Variants in RORA observed in about 807,000 individuals in gnomAD.
RORA encodes nuclear receptor ROR-alpha.
RORA carries 7 observed loss-of-function variants against 69.5 expected under a neutral mutation model. That is an observed-to-expected ratio of 0.10 (90% CI 0.06 to 0.19). RORA has a LOEUF of 0.19. Among genes scored for constraint, RORA ranks in the 10% least tolerant of loss-of-function variants. The probability of loss-of-function intolerance (pLI) is 1.00; values close to 1 mark genes in which losing one functional copy is unlikely to be tolerated. For missense variants in RORA, 457 were observed against 663.0 expected (o/e 0.69, Z 3.41); for synonymous variants, 261 against 240.8 (o/e 1.08, Z -0.78).
intron 1 of RORA, among the ~76,000 whole-genome samples, chr15:60,994,755 A>T (rs16943452): frequency 0.18 from 27,643 of 152,142 alleles, 2,657 homozygotes; most frequent in South Asian, 0.24. Flanking sequence ...AATGAAGACA[A>T]CTCAACATAC....
chr15:60,691,674 C>T (rs138582577), intron 1 of RORA, among the ~76,000 whole-genome samples: 191 of 152,242 alleles, frequency 1.3e-3, no homozygotes, highest in South Asian at 4.8e-3. Context: ...AGAGAACACA[C>T]GCTAACCCCA....
chr15:60,647,425 T>C (rs1468749033), intron 2 of RORA, among the ~76,000 whole-genome samples: 1 of 152,184 alleles, frequency 6.6e-6, no homozygotes, highest in African/African-American at 2.4e-5. Context: ...TTCTAAGTGC[T>C]TGGAAGACCT....
intron 2 of RORA, among the ~76,000 whole-genome samples, chr15:60,668,034 T>A (rs2070405670): frequency 6.6e-6 from 1 of 152,006 alleles, no homozygotes; most frequent in African/African-American, 2.4e-5. Context: ...ACCAAAGAGA[T>A]GAAATAATTG....
intron 1 of RORA, among the ~76,000 whole-genome samples, chr15:60,886,084 G>A (rs1049153960): frequency 6.6e-6 from 1 of 152,112 alleles, no homozygotes; most frequent in African/African-American, 2.4e-5. Flanking sequence ...CAAATAGAGG[G>A]AATCTTTAAA....
At chr15:60,836,487 T>G (rs2073117428) in intron 1 of RORA, among the ~76,000 whole-genome samples, 2 of 152,160 alleles carry the variant, frequency 1.3e-5, no homozygotes, top group Non-Finnish European at 2.9e-5. Context: ...AGCAGTAGGC[T>G]GGTCATCCCA....
chr15:60,776,786 G>A (rs896331723), intron 1 of RORA, among the ~76,000 whole-genome samples: 7 of 152,140 alleles, frequency 4.6e-5, no homozygotes, highest in African/African-American at 1.7e-4. Flanking sequence ...TGCAATTACC[G>A]TCTTTGGATT....
intron 1 of RORA, among the ~76,000 whole-genome samples, chr15:61,139,099 G>A (rs182366959): frequency 1.0e-3 from 154 of 151,642 alleles, no homozygotes; most frequent in African/African-American, 3.6e-3. Flanking sequence ...AGCCAAGATC[G>A]CGCCACTGCA....
intron 1 of RORA, among the ~76,000 whole-genome samples, chr15:60,855,315 T>A (rs781122137): frequency 4.5e-4 from 68 of 152,286 alleles, no homozygotes; most frequent in Non-Finnish European, 8.7e-4. Flanking sequence ...TACAGTAACA[T>A]GGAAACCACA....
intron 1 of RORA, among the ~76,000 whole-genome samples, chr15:60,941,831 T>G (rs1892705857): frequency 6.6e-6 from 1 of 152,232 alleles, no homozygotes; most frequent in Non-Finnish European, 1.5e-5. Flanking sequence ...GGGTTTTAAA[T>G]GTTTGCCCTT....
chr15:61,141,309 G>A (rs536305244), intron 1 of RORA, among the ~76,000 whole-genome samples: 1 of 152,118 alleles, frequency 6.6e-6, no homozygotes, highest in East Asian at 1.9e-4. Context: ...AATCGATGTA[G>A]AATTTGGAAT....
intron 1 of RORA, among the ~76,000 whole-genome samples, chr15:61,153,034 G>A (rs1820907262): frequency 6.6e-6 from 1 of 152,086 alleles, no homozygotes; most frequent in African/African-American, 2.4e-5. Context: ...GGGTAGGTGT[G>A]TACCAGGTCA....
intron 1 of RORA, among the ~76,000 whole-genome samples, chr15:61,030,055 T>C (rs1421161650): frequency 6.6e-6 from 1 of 152,154 alleles, no homozygotes; most frequent in Non-Finnish European, 1.5e-5. Flanking sequence ...AATCTCATCA[T>C]AAGACAAACC....
chr15:60,686,386 G>A (rs368287372), intron 1 of RORA, among the ~76,000 whole-genome samples: 34 of 152,210 alleles, frequency 2.2e-4, no homozygotes, highest in East Asian at 7.7e-4. Flanking sequence ...TTATTTACTC[G>A]TCCCAAAGTA....
At chr15:60,536,381 G>T (rs2066679639) in intron 2 of RORA, among the ~76,000 whole-genome samples, 1 of 152,116 alleles carries the variant, frequency 6.6e-6, no homozygotes, top group Non-Finnish European at 1.5e-5. Flanking sequence ...CTTTCCTCCA[G>T]ACTTTAAGCT....
chr15:61,004,221 G>T (rs1362231219), intron 1 of RORA, among the ~76,000 whole-genome samples: 4 of 151,998 alleles, frequency 2.6e-5, no homozygotes, highest in African/African-American at 4.8e-5. Flanking sequence ...GGGCAGTGGG[G>T]AGAGGGGAGG....
chr15:61,051,365 G>A (rs925997344), intron 1 of RORA, among the ~76,000 whole-genome samples: 4 of 152,166 alleles, frequency 2.6e-5, no homozygotes, highest in Non-Finnish European at 5.9e-5. Flanking sequence ...AGATAAGCAC[G>A]CTTTGTGGGG....
intron 2 of RORA, among the ~76,000 whole-genome samples, chr15:60,547,314 C>T (rs906933990): frequency 7.2e-6 from 1 of 139,304 alleles, no homozygotes; most frequent in African/African-American, 2.5e-5. Flanking sequence ...ACTTTATAGT[C>T]CCTCTCCTCC....
intron 1 of RORA, among the ~76,000 whole-genome samples, chr15:61,208,806 T>C (rs1054163795): frequency 4.6e-5 from 7 of 152,160 alleles, no homozygotes; most frequent in African/African-American, 1.7e-4. Context: ...TCTTCACAAT[T>C]TGTCTTCATT....
At chr15:60,814,802 T>C (rs2072787587) in intron 1 of RORA, among the ~76,000 whole-genome samples, 1 of 152,176 alleles carries the variant, frequency 6.6e-6, no homozygotes, top group Non-Finnish European at 1.5e-5. Context: ...CTTCTCTCTG[T>C]GCATAAAGGC....
Sources: allele counts gnomAD v4.1 joint callset (sites outside exome capture counted in the v4.1 genomes callset), GRCh38; gene constraint gnomAD v4.1.1; transcripts MANE v1.5; gene names NCBI Gene and HGNC (gene_info 2026-07-23, HGNC 2026-07-21).